ZNF778: variants seen among roughly 807,000 people sequenced by gnomAD.
The protein encoded by ZNF778 is zinc finger protein 778.
In ZNF778, 37 loss-of-function variants were observed where a neutral mutation model predicts 23.9. The ratio of observed to expected loss-of-function variants is 1.54; its 90% CI spans 1.19 to 2.03. The LOEUF (loss-of-function observed/expected upper bound fraction) is 2.03, where lower values mean the gene tolerates loss of function less well. Ranked by LOEUF, ZNF778 falls within the 30% of genes most tolerant of loss-of-function variation. The pLI is 0.00. For missense variants in ZNF778, 1,297 were observed against 934.4 expected, an observed-to-expected ratio of 1.39 and a Z score of -5.06; for synonymous variants, 483 against 343.9, an observed-to-expected ratio of 1.40 and a Z score of -4.48.
At position 89,227,783 on chromosome 16, in the gene ZNF778, C is replaced by T. The variant is rs1567506746; in HGVS notation, c.1495C>T (p.His499Tyr). The T allele has an allele frequency of 1.4e-5, 22 of 1,613,160 alleles. No homozygotes were observed. The highest frequency in any genetic ancestry group is 1.8e-5 in the Non-Finnish European group (21 of 1,179,256). Reference sequence around the variant, plus strand: ...AAGCCTGACTGAGCACGCGAGAATCCATACCGGAGAGAAACCCTACGAATG... The same window carrying T: ...AAGCCTGACTGAGCACGCGAGAATCTATACCGGAGAGAAACCCTACGAATG... The part of the protein sequence containing the change: ...SSSLTEHARI[H>Y]TGEKPYECKQ... The change falls in exon 7 of 7, where the codon CAT becomes TAT. Residue 499 changes from histidine to tyrosine, a missense_variant. Transcript: ENST00000433976.
In ZNF778 at chr16:89,228,808, TGCA is replaced by T; in HGVS notation, c.*253_*255del. The T allele has an allele frequency of 8.0e-7, 1 of 1,247,982 alleles. No homozygotes were observed. Among genetic ancestry groups the T allele is most frequent in the Non-Finnish European group, 1.0e-6 (1 of 994,560 alleles). The allele number at this position is 1,247,982 out of a possible 1,614,324, so 77.3% of individuals were successfully genotyped here. On this transcript the variant is annotated 3_prime_UTR_variant, in exon 7 of 7. Coordinates refer to ENST00000433976, the MANE Select transcript of ZNF778 (RefSeq NM_001201407.2). ...GAGAGAACTCTATTGATGTGTGATA[TGCA>T]GCAGCATTGTTGCTGTTCTGCTCAG... is the stretch of plus-strand genomic sequence containing the variant.
chr16:89,225,629 A>G lies in ZNF778; in HGVS notation c.403A>G (p.Thr135Ala), dbSNP rs770192241. Reference sequence around the variant, plus strand: ...GTTCAGAGCATCAAATGAGACACAGACGGTAAGATTAACAAGAGAGATTTT... The same window carrying G: ...GTTCAGAGCATCAAATGAGACACAGGCGGTAAGATTAACAAGAGAGATTTT... ...SWFRASNETQ[T>A]ARSHNGGQLC... Residue 135 changes from threonine (T) to alanine (A), a missense_variant and splice_region_variant, in exon 6 of 7, where the codon ACG becomes GCG. Transcript: ENST00000433976. The G allele has an allele frequency of 2.5e-6, 4 of 1,611,936 alleles. No homozygotes were observed. The highest frequency in any genetic ancestry group is 3.4e-6 in the Non-Finnish European group (4 of 1,178,560).
intron 5 of ZNF778, 79 bp downstream of exon 5, chr16:89,224,881 TG>T (rs1192497714): frequency 9.7e-6 from 10 of 1,034,012 alleles, no homozygotes; most frequent in Non-Finnish European, 1.4e-5. Flanking sequence ...TTAGCGGCTA[TG>T]GAAGGATTGT....
intron 6 of ZNF778, among the ~76,000 whole-genome samples, chr16:89,226,239 C>T (rs1408927426): frequency 6.6e-6 from 1 of 151,984 alleles, no homozygotes; most frequent in African/African-American, 2.4e-5. Context: ...GAGTTTTGCT[C>T]TTGTTGCCCA....
rs1567507722 is a variant in ZNF778, at chr16:89,228,102, CCG to C, written c.1815_1816del (p.Glu606AlafsTer12). 8.7e-6 allele frequency: 14 copies of C among 1,612,972 alleles called. No homozygotes were observed. Among genetic ancestry groups the C allele is most frequent in the Non-Finnish European group, 1.1e-5 (13 of 1,179,160 alleles). The stretch of plus-strand genomic sequence containing the variant: ...ACATTCACTGTTTCTTCGAGCCTAA[CCG>C]AGCACATACGAACTCACACTGGAGA... On this transcript the variant is annotated frameshift_variant, in exon 7 of 7. Coordinates refer to ENST00000433976, the MANE Select transcript of ZNF778 (RefSeq NM_001201407.2). LOFTEE classifies it low-confidence loss of function (END_TRUNC).
rs761704773 is a variant in ZNF778, at chr16:89,227,256, G to A, written c.968G>A (p.Ser323Asn). ...ECGKASPVSS[S>N]LTQHVRIHAA... ...GGAAAAGCCTCCCCTGTTTCTTCCA[G>A]CCTAACTCAACATGTAAGAATTCAT... The change falls in exon 7 of 7, where the codon AGC becomes AAC. Residue 323 changes from serine (S) to asparagine (N), a missense_variant. Transcript: ENST00000433976. The A allele has an allele frequency of 1.2e-6, 2 of 1,613,966 alleles. No individual in the cohort carries two copies. Among genetic ancestry groups the A allele is most frequent in the African/African-American group, 1.3e-5 (1 of 75,054 alleles).
chr16:89,228,468 A>G lies in ZNF778; in HGVS notation c.2180A>G (p.Gln727Arg). The change falls in exon 7 of 7, where the codon CAG (glutamine) becomes CGG (arginine). Residue 727 changes from glutamine (Q) to arginine (R), a missense_variant. By Grantham distance (43) the Gln-to-Arg change is conservative. Transcript: ENST00000433976. ...CATTTAAAAACTTACACTGAAGAGCAGGTTTTTGTATGTAAGGACTGTGGA... is the reference window on the plus strand; with the variant it reads ...CATTTAAAAACTTACACTGAAGAGCGGGTTTTTGTATGTAAGGACTGTGGA... ...KEHLKTYTEE[Q>R]VFVCKDCGKS... The G allele has an allele frequency of 6.2e-7, 1 of 1,613,854 alleles. No homozygotes were observed. Among genetic ancestry groups the G allele is most frequent in the Non-Finnish European group, 8.5e-7 (1 of 1,179,848 alleles).
At position 89,227,619 on chromosome 16, in the gene ZNF778, C is replaced by A; in HGVS notation, c.1331C>A (p.Thr444Lys). 7 of 1,614,128 alleles carry A rather than the reference C, an allele frequency of 4.3e-6. No individual in the cohort carries two copies. The highest frequency in any genetic ancestry group is 5.9e-6 in the Non-Finnish European group (7 of 1,179,980). ...CGLTRHVRTH[T>K]GEKPYTCKDC... The stretch of plus-strand genomic sequence containing the variant: ...CTTACTAGACACGTACGAACACACA[C>A]GGGCGAGAAGCCATACACGTGTAAG... The change falls in exon 7 of 7, where the codon ACG (threonine) becomes AAG (lysine). Residue 444 changes from threonine to lysine, a missense_variant. Thr to Lys is a moderately conservative substitution (Grantham distance 78). Coordinates refer to ENST00000433976, the MANE Select transcript of ZNF778 (RefSeq NM_001201407.2).
chr16:89,222,448 C>T (rs2031050046), intron 3 of ZNF778, among the ~76,000 whole-genome samples: 1 of 152,188 alleles, frequency 6.6e-6, no homozygotes, highest in African/African-American at 2.4e-5. Flanking sequence ...ACTGCAATCT[C>T]CGCCTCCCAG....
rs913177429 is a variant in ZNF778 at position 89,231,553 on chromosome 16, G to C, written c.*2991G>C. The C allele has an allele frequency of 2.0e-5, 3 of 152,164 alleles. No individual in the cohort carries two copies. The highest frequency in any genetic ancestry group is 7.2e-5 in the African/African-American group (3 of 41,430). 9.4% of individuals were successfully genotyped at this position (152,164 alleles called of 1,614,324 possible). A position where few individuals can be genotyped will look rare whatever the true frequency, so the allele number is the denominator to read the frequency against. On this transcript the variant is annotated 3_prime_UTR_variant, in exon 7 of 7. Transcript: ENST00000433976. ...GAACCTCCTCAGCAGCGATGCCCAT[G>C]GACTGGGGTTCCTAAGGCACAAATT...
intron 2 of ZNF778, among the ~76,000 whole-genome samples, chr16:89,221,753 G>A (rs150038446): frequency 6.8e-6 from 1 of 147,458 alleles, no homozygotes; most frequent in Admixed American, 6.8e-5. Flanking sequence ...GTGTGCAAGA[G>A]TACATGGGAA....
chr16:89,229,051 G>T lies in ZNF778; in HGVS notation c.*489G>T, dbSNP rs1184828029. The T allele has an allele frequency of 1.0e-6, 1 of 991,414 alleles. No individual in the cohort carries two copies. The highest frequency in any genetic ancestry group is 1.1e-4 in the East Asian group (1 of 8,910). 61.4% of individuals were successfully genotyped at this position (991,414 alleles called of 1,614,324 possible). ...TGAGACATGTCTTTCTGGGGGTTCTGTAGACGTATTTTGAATCTTTATGAT... is the reference window on the plus strand; with the variant it reads ...TGAGACATGTCTTTCTGGGGGTTCTTTAGACGTATTTTGAATCTTTATGAT... On this transcript the variant is annotated 3_prime_UTR_variant, in exon 7 of 7. Transcript: ENST00000433976.
chr16:89,226,979 G>A lies in ZNF778; in HGVS notation c.691G>A (p.Gly231Arg). 1 of 1,613,990 alleles carries A rather than the reference G, an allele frequency of 6.2e-7. No homozygotes were observed. Residue 231 changes from glycine (G) to arginine (R), a missense_variant, in exon 7 of 7, where the codon GGG (glycine) becomes AGG (arginine). Coordinates refer to ENST00000433976, the MANE Select transcript of ZNF778 (RefSeq NM_001201407.2). ...CAGATCTCTTGACTACAGCAGCTGTGGGGAAGTGTTCCTTAATCAGTCATA... is the reference window on the plus strand; with the variant it reads ...CAGATCTCTTGACTACAGCAGCTGTAGGGAAGTGTTCCTTAATCAGTCATA... Reference protein sequence around the residue: ...RDRSLDYSSCGEVFLNQSYLQ... With the variant: ...RDRSLDYSSCREVFLNQSYLQ...
At chr16:89,225,653 T>G (rs1042604179) in intron 6 of ZNF778, 22 bp downstream of exon 6, 1 of 1,594,390 alleles carries the variant, frequency 6.3e-7, no homozygotes, top group Non-Finnish European at 8.6e-7. Context: ...AAGAGAGATT[T>G]TTTTATTTAT....
At position 89,235,537 on chromosome 16, in the gene ZNF778, C is replaced by T. The variant is rs901936065; in HGVS notation, c.*6975C>T. ...ACCCACATGGTTTCAATAGAACTTGCCTCCTGAACCTGACTAGGTTACTCG... is the reference window on the plus strand; with the variant it reads ...ACCCACATGGTTTCAATAGAACTTGTCTCCTGAACCTGACTAGGTTACTCG... On this transcript the variant is annotated 3_prime_UTR_variant, in exon 7 of 7. Transcript: ENST00000433976. 2.0e-5 allele frequency: 3 copies of T among 152,158 alleles called. No individual in the cohort carries two copies. The highest frequency in any genetic ancestry group is 7.2e-5 in the African/African-American group (3 of 41,420). The allele number at this position is 152,158 out of a possible 1,614,324, so 9.4% of individuals were successfully genotyped here.
rs573229277 is a variant in ZNF778 at position 89,234,103 on chromosome 16, G to A, written c.*5541G>A. Reference sequence around the variant, plus strand: ...TGGGCCCTGCCTGGAGTGATGTGCCGCCTTCTCTTGACACTGTGAGTGATA... The same window carrying A: ...TGGGCCCTGCCTGGAGTGATGTGCCACCTTCTCTTGACACTGTGAGTGATA... On this transcript the variant is annotated 3_prime_UTR_variant, in exon 7 of 7. Transcript: ENST00000433976. 5 of 520,064 alleles carry A rather than the reference G, an allele frequency of 9.6e-6. No homozygotes were observed. Among genetic ancestry groups the A allele is most frequent in the South Asian group, 1.5e-5 (1 of 65,466 alleles). The allele number at this position is 520,064 out of a possible 1,614,324, so 32.2% of individuals were successfully genotyped here. A position where few individuals can be genotyped will look rare whatever the true frequency, so the allele number is the denominator to read the frequency against.
chr16:89,233,688 T>TCG lies in ZNF778; in HGVS notation c.*5126_*5127insCG, dbSNP rs2032125320. 3.1e-6 allele frequency: 4 copies of TCG among 1,279,106 alleles called. No homozygotes were observed. Among genetic ancestry groups the TCG allele is most frequent in the Non-Finnish European group, 4.1e-6 (4 of 987,302 alleles). The allele number at this position is 1,279,106 out of a possible 1,614,324, so 79.2% of individuals were successfully genotyped here. Reference sequence around the variant, plus strand: ...ACTCGCACTGCGTATGCAAATCAACTTACTGCATATGCAACTCAACTCACT... The same window carrying TCG: ...ACTCGCACTGCGTATGCAAATCAACTCGTACTGCATATGCAACTCAACTCACT... On this transcript the variant is annotated 3_prime_UTR_variant, in exon 7 of 7. Transcript: ENST00000433976.
intron 3 of ZNF778, among the ~76,000 whole-genome samples, chr16:89,222,943 A>ACGCGTGACTGGAGGAGCGCGACAGGGCG (rs1567498786): frequency 1.9e-4 from 25 of 128,486 alleles, no homozygotes; most frequent in African/African-American, 6.7e-4. Context: ...GCGACAGGGC[A>ACGCGTGACTGGAGGAGCGCGACAGGGCG]CGCGTGACTG....
Position 89,234,262 on chromosome 16 carries a change from C to A in ZNF778, c.*5700C>A. On this transcript the variant is annotated 3_prime_UTR_variant, in exon 7 of 7. Transcript: ENST00000433976. Reference sequence around the variant, plus strand: ...TGTCTGTGACAAGGTCTTACCCAGCCCAGGGATTCTTGAACTATCTGTAGG... The same window carrying A: ...TGTCTGTGACAAGGTCTTACCCAGCACAGGGATTCTTGAACTATCTGTAGG... The A allele has an allele frequency of 5.7e-6, 2 of 351,918 alleles. No individual in the cohort carries two copies. Among genetic ancestry groups the A allele is most frequent in the South Asian group, 2.1e-5 (1 of 46,534 alleles). 21.8% of individuals were successfully genotyped at this position (351,918 alleles called of 1,614,324 possible). A position where few individuals can be genotyped will look rare whatever the true frequency, so the allele number is the denominator to read the frequency against.
Sources: gnomAD v4.1 joint callset for allele counts (sites outside exome capture counted in the v4.1 genomes callset) on GRCh38, gnomAD v4.1.1 for gene constraint, MANE v1.5 for transcripts, NCBI Gene and HGNC (gene_info 2026-07-23, HGNC 2026-07-21) for gene names.